LOC128125818: variants seen among roughly 807,000 people sequenced by gnomAD.
At chr4:6,066,677 C>T in the LOC128125818 span, among the ~76,000 whole-genome samples, 6 of 146,170 alleles carry the variant, frequency 4.1e-5, no homozygotes, top group South Asian at 1.3e-3. Context: ...CCTGCCCTCC[C>T]TGGGAGAAAC....
the LOC128125818 span, among the ~76,000 whole-genome samples, chr4:6,067,251 C>T: frequency 6.6e-6 from 1 of 152,310 alleles, no homozygotes; most frequent in South Asian, 2.1e-4. The surrounding 1 kb of genome is among the most constrained non-coding windows in gnomAD (Gnocchi z 4.6). Flanking sequence ...GAACTCAAAG[C>T]CACACTAGTT....
At chr4:6,069,585 CA>C in the LOC128125818 span, among the ~76,000 whole-genome samples, 5 of 151,934 alleles carry the variant, frequency 3.3e-5, no homozygotes, top group Non-Finnish European at 5.9e-5. This position sits in a 1 kb window ranked among gnomAD's most constrained non-coding sequence, Gnocchi z 4.5. Context: ...TCCATCTCTA[CA>C]AAAAGTTATT....
chr4:6,068,850 G>A, the LOC128125818 span, among the ~76,000 whole-genome samples: 129,689 of 152,138 alleles, frequency 0.85, 57,058 homozygotes, highest in East Asian at 0.96. Context: ...GATCACAGGT[G>A]TGAGCCATCA....
At chr4:6,065,845 G>A in the LOC128125818 span, among the ~76,000 whole-genome samples, 2 of 152,224 alleles carry the variant, frequency 1.3e-5, no homozygotes, top group South Asian at 4.2e-4. The surrounding 1 kb of genome is among the most constrained non-coding windows in gnomAD (Gnocchi z 5.1). Context: ...CTCCTTCTAT[G>A]GGCCAGACAC....
At chr4:6,068,503 G>C in the LOC128125818 span, among the ~76,000 whole-genome samples, 1 of 151,798 alleles carries the variant, frequency 6.6e-6, no homozygotes, top group Non-Finnish European at 1.5e-5. Flanking sequence ...GCAACGAGTT[G>C]TCTGGGACCC....
the LOC128125818 span, among the ~76,000 whole-genome samples, chr4:6,066,788 AT>A: frequency 6.6e-6 from 1 of 152,022 alleles, no homozygotes; most frequent in South Asian, 2.1e-4. Context: ...TCTCTCTGGA[AT>A]TATTAAAACC....
At chr4:6,065,123 G>T in the LOC128125818 span, 1 of 1,308,468 alleles carries the variant, frequency 7.6e-7, no homozygotes, top group East Asian at 2.3e-5. This position sits in a 1 kb window ranked among gnomAD's most constrained non-coding sequence, Gnocchi z 5.1. Context: ...TGGGCCACTG[G>T]GGCATCACAA....
At chr4:6,069,440 T>C in the LOC128125818 span, among the ~76,000 whole-genome samples, 1 of 152,184 alleles carries the variant, frequency 6.6e-6, no homozygotes, top group Non-Finnish European at 1.5e-5. The surrounding 1 kb of genome is among the most constrained non-coding windows in gnomAD (Gnocchi z 4.5). Context: ...TACAGATGAA[T>C]CCAGATTCAG....
the LOC128125818 span, among the ~76,000 whole-genome samples, chr4:6,067,562 G>GGAGTGAT: frequency 6.9e-6 from 1 of 144,028 alleles, no homozygotes; most frequent in Non-Finnish European, 1.5e-5. This position sits in a 1 kb window ranked among gnomAD's most constrained non-coding sequence, Gnocchi z 4.6. Flanking sequence ...GGCACCCACG[G>GGAGTGAT]GAGTGATGCA....
the LOC128125818 span, among the ~76,000 whole-genome samples, chr4:6,065,980 A>G: frequency 4.7e-4 from 72 of 152,320 alleles, no homozygotes; most frequent in Non-Finnish European, 8.7e-4. The surrounding 1 kb of genome is among the most constrained non-coding windows in gnomAD (Gnocchi z 5.1). Flanking sequence ...TTATTTTAGG[A>G]ACATAGCTTT....
chr4:6,065,111 T>C, the LOC128125818 span: 1 of 1,398,180 alleles, frequency 7.2e-7, no homozygotes, highest in Non-Finnish European at 1.0e-6. The surrounding 1 kb of genome is among the most constrained non-coding windows in gnomAD (Gnocchi z 5.1). Context: ...ATGATTGACA[T>C]TTGGGCCACT....
At chr4:6,066,058 C>T in the LOC128125818 span, among the ~76,000 whole-genome samples, 1 of 152,092 alleles carries the variant, frequency 6.6e-6, no homozygotes, top group South Asian at 2.1e-4. Flanking sequence ...CAATGAATGC[C>T]TTTCAGACCA....
chr4:6,065,661 A>C, the LOC128125818 span, among the ~76,000 whole-genome samples: 3 of 152,230 alleles, frequency 2.0e-5, no homozygotes, highest in Admixed American at 1.3e-4. The surrounding 1 kb of genome is among the most constrained non-coding windows in gnomAD (Gnocchi z 5.1). Context: ...AATGAGAAGG[A>C]ATCATGTAAT....
chr4:6,069,450 G>C, the LOC128125818 span, among the ~76,000 whole-genome samples: 1 of 152,192 alleles, frequency 6.6e-6, no homozygotes, highest in African/African-American at 2.4e-5. This position sits in a 1 kb window ranked among gnomAD's most constrained non-coding sequence, Gnocchi z 4.5. Flanking sequence ...TCCAGATTCA[G>C]ATTAAGATTC....
At chr4:6,066,486 C>G in the LOC128125818 span, among the ~76,000 whole-genome samples, 51 of 152,126 alleles carry the variant, frequency 3.4e-4, no homozygotes, top group African/African-American at 1.2e-3. Context: ...GACTCTCCCC[C>G]GAACTCCAGA....
chr4:6,067,482 G>A, the LOC128125818 span, among the ~76,000 whole-genome samples: 6 of 152,152 alleles, frequency 3.9e-5, no homozygotes, highest in South Asian at 2.1e-4. This position sits in a 1 kb window ranked among gnomAD's most constrained non-coding sequence, Gnocchi z 4.6. Context: ...AACCCCACCC[G>A]ACTTCAGGCA....
chr4:6,066,391 G>T, the LOC128125818 span, among the ~76,000 whole-genome samples: 1 of 152,124 alleles, frequency 6.6e-6, no homozygotes, highest in Non-Finnish European at 1.5e-5. Context: ...CACCCAGAAC[G>T]TTCTTGCATT....
chr4:6,068,359 C>T, the LOC128125818 span, among the ~76,000 whole-genome samples: 3 of 152,104 alleles, frequency 2.0e-5, no homozygotes, highest in Non-Finnish European at 4.4e-5. Flanking sequence ...CTCCACAGAA[C>T]TATGCTGCTT....
chr4:6,069,342 AT>A, the LOC128125818 span, among the ~76,000 whole-genome samples: 1 of 152,258 alleles, frequency 6.6e-6, no homozygotes, highest in Non-Finnish European at 1.5e-5. The surrounding 1 kb of genome is among the most constrained non-coding windows in gnomAD (Gnocchi z 4.5). Flanking sequence ...CCATTTGCTC[AT>A]TCTGAGCCCA....
Sources: gnomAD v4.1 joint callset for allele counts (sites outside exome capture counted in the v4.1 genomes callset) on GRCh38, gnomAD v4.1.1 for gene constraint, Gnocchi (gnomAD v3.1) non-coding constraint, MANE v1.5 for transcripts.